Variants in CHRDL1 observed in about 807,000 individuals in gnomAD.
CHRDL1 encodes chordin-like protein 1.
In CHRDL1, 19 loss-of-function variants were observed where a neutral mutation model predicts 40.9. The ratio of observed to expected loss-of-function variants is 0.46; its 90% CI spans 0.32 to 0.68. CHRDL1 has a LOEUF of 0.68. Ranked by LOEUF, CHRDL1 falls within the 30% of genes least tolerant of loss-of-function variation. The pLI, the probability that CHRDL1 is intolerant of heterozygous loss-of-function variation, is 0.03. For missense variants in CHRDL1, 329 were observed against 352.1 expected (o/e 0.93, Z 0.53); for synonymous variants, 136 against 123.4 (o/e 1.10, Z -0.68).
chrX:110,684,981 G>A (rs1019589428), intron 9 of CHRDL1, among the ~76,000 whole-genome samples: 4 of 112,174 alleles, frequency 3.6e-5, no homozygotes, highest in African/African-American at 1.3e-4. Flanking sequence ...AGTGGGAAAA[G>A]CAGCTCTTCC....
intron 6 of CHRDL1, among the ~76,000 whole-genome samples, chrX:110,708,890 G>A (rs2070696400): frequency 9.0e-6 from 1 of 111,232 alleles, no homozygotes; most frequent in South Asian, 3.8e-4. Flanking sequence ...TACCATATCT[G>A]GCCCCTGGAA....
At chrX:110,690,523 G>A (rs1247026759) in intron 8 of CHRDL1, among the ~76,000 whole-genome samples, 1 of 110,642 alleles carries the variant, frequency 9.0e-6, no homozygotes, top group East Asian at 2.8e-4. Flanking sequence ...TTCCATGGAG[G>A]CTAGATGCAA....
chrX:110,775,490 G>T (rs1414999210), intron 2 of CHRDL1, among the ~76,000 whole-genome samples: 1 of 110,855 alleles, frequency 9.0e-6, no homozygotes, highest in East Asian at 2.8e-4. Flanking sequence ...CATGTAAGAT[G>T]AATAAATATA....
intron 7 of CHRDL1, among the ~76,000 whole-genome samples, chrX:110,696,599 T>C (rs1263338132): frequency 9.0e-6 from 1 of 111,438 alleles, no homozygotes; most frequent in East Asian, 2.8e-4. Flanking sequence ...ACCATTTGAC[T>C]AAAAGCTGGT....
intron 8 of CHRDL1, among the ~76,000 whole-genome samples, chrX:110,691,704 T>C (rs1398107096): frequency 8.9e-6 from 1 of 111,825 alleles, no homozygotes; most frequent in Non-Finnish European, 1.9e-5. Context: ...GAAATAAGAA[T>C]AATGTTAGCT....
chrX:110,678,197 T>C (rs1272625384), intron 11 of CHRDL1, among the ~76,000 whole-genome samples: 1 of 112,094 alleles, frequency 8.9e-6, no homozygotes, highest in African/African-American at 3.2e-5. Flanking sequence ...TGTCCTAGCA[T>C]GATAAATTGG....
chrX:110,679,410 A>G lies in CHRDL1; in HGVS notation c.1172T>C (p.Phe391Ser). 1.7e-6 allele frequency: 2 copies of G among 1,204,206 alleles called. No individual in the cohort carries two copies. Among genetic ancestry groups the G allele is most frequent in the Non-Finnish European group, 2.3e-6 (2 of 888,706 alleles). ...WTIRKGILQHFHIEKISKRMF... is the reference protein window; with the variant it reads ...WTIRKGILQHSHIEKISKRMF... ...CCTCTTGGAGATCTTCTCAATATGG[A>G]AGTGCTGGAGAATGCCTAGGGCCAA... is the stretch of plus-strand genomic sequence containing the variant. Residue 391 changes from phenylalanine (F) to serine (S), a missense_variant, in exon 11 of 12, where the codon TTC (phenylalanine) becomes TCC (serine). Physicochemically the swap from Phe to Ser is radical, Grantham distance 155. Transcript: ENST00000372042.
chrX:110,694,202 C>T lies in CHRDL1; in HGVS notation c.739G>A (p.Val247Met), dbSNP rs1452708880. Residue 247 changes from valine to methionine, a missense_variant, in exon 8 of 12, where the codon GTG (valine) becomes ATG (methionine). Coordinates refer to ENST00000372042, the MANE Select transcript of CHRDL1 (RefSeq NM_001143981.2). Reference sequence around the variant, plus strand: ...TGTTTGTTATTGATGACAATTTGCACAATGGTTCCTGATGCTTGCTGGGAA... The same window carrying T: ...TGTTTGTTATTGATGACAATTTGCATAATGGTTCCTGATGCTTGCTGGGAA... ...MDSQQASGTI[V>M]QIVINNKHKH... The T allele has an allele frequency of 3.3e-6, 4 of 1,210,604 alleles. No individual in the cohort carries two copies. The highest frequency in any genetic ancestry group is 2.2e-5 in the Admixed American group (1 of 46,025).
intron 2 of CHRDL1, among the ~76,000 whole-genome samples, chrX:110,786,901 T>C (rs1368422655): frequency 1.8e-5 from 2 of 111,905 alleles, no homozygotes. Flanking sequence ...ATGTGTTAAG[T>C]GGCTGCCATG....
intron 6 of CHRDL1, among the ~76,000 whole-genome samples, chrX:110,719,026 T>C (rs1450273488): frequency 8.9e-6 from 1 of 111,857 alleles, no homozygotes; most frequent in African/African-American, 3.3e-5. Flanking sequence ...CCACCCTATA[T>C]ATCTACTGTA....
chrX:110,724,548 G>C (rs1387506821), intron 4 of CHRDL1, among the ~76,000 whole-genome samples: 1 of 109,104 alleles, frequency 9.2e-6, no homozygotes. Context: ...GTATCTCGGG[G>C]GTGGGGGGCG....
chrX:110,732,143 A>G (rs901921040), intron 4 of CHRDL1, among the ~76,000 whole-genome samples: 3 of 111,381 alleles, frequency 2.7e-5, no homozygotes, highest in Admixed American at 9.5e-5. Flanking sequence ...AAAGAAAGGG[A>G]GAATCACAAA....
chrX:110,695,040 A>T (rs1262510116), intron 7 of CHRDL1, among the ~76,000 whole-genome samples: 2 of 110,253 alleles, frequency 1.8e-5, no homozygotes, highest in East Asian at 2.8e-4. Context: ...TTTTTTTTTT[A>T]AAGTTAGAGA....
chrX:110,721,623 AG>A, intron 4 of CHRDL1, 93 bp from the exon 5 acceptor site: 2 of 753,270 alleles, frequency 2.7e-6, no homozygotes, highest in Non-Finnish European at 4.1e-6. Flanking sequence ...TACTACATAG[AG>A]GGAGTTTTAA....
At chrX:110,746,227 C>T (rs1257236049) in intron 4 of CHRDL1, among the ~76,000 whole-genome samples, 1 of 111,103 alleles carries the variant, frequency 9.0e-6, no homozygotes, top group Non-Finnish European at 1.9e-5. Flanking sequence ...ACACACTGTG[C>T]TCCTGCAAGA....
At chrX:110,789,411 T>C (rs923593158) in intron 2 of CHRDL1, among the ~76,000 whole-genome samples, 1 of 112,151 alleles carries the variant, frequency 8.9e-6, no homozygotes, top group Non-Finnish European at 1.9e-5. Flanking sequence ...GAACATGCAC[T>C]TCGACTATTT....
At chrX:110,716,512 A>C (rs2070844896) in intron 6 of CHRDL1, among the ~76,000 whole-genome samples, 1 of 111,502 alleles carries the variant, frequency 9.0e-6, no homozygotes, top group Admixed American at 9.6e-5. Context: ...GCTCCAGAAG[A>C]AGCACAGGTT....
At position 110,790,989 on chromosome X, in the gene CHRDL1, T is replaced by C. The variant is rs747637472; in HGVS notation, c.94+1099A>G. Reference sequence around the variant, plus strand: ...ACACTGTTTCTCCCAGGAAGAAGACTACACTTACTATGAAAATTGTAGTGG... The same window carrying C: ...ACACTGTTTCTCCCAGGAAGAAGACCACACTTACTATGAAAATTGTAGTGG... On this transcript the variant is annotated intron_variant, in intron 2 of 11. Coordinates refer to ENST00000372042, the MANE Select transcript of CHRDL1 (RefSeq NM_001143981.2). 7.3e-4 allele frequency among the ~76,000 whole-genome samples: 79 copies of C among 108,563 alleles called. 1 individual carries two copies. The highest frequency in any genetic ancestry group is 2.3e-4 in the Non-Finnish European group (12 of 52,462). The allele number at this position is 108,563 out of a possible 115,157, so 94.3% of individuals were successfully genotyped here.
At chrX:110,773,014 T>C (rs985160789) in intron 2 of CHRDL1, among the ~76,000 whole-genome samples, 2 of 112,608 alleles carry the variant, frequency 1.8e-5, no homozygotes, top group African/African-American at 3.2e-5. Flanking sequence ...AAATGACCAA[T>C]GTCACAATCC....
Sources: gnomAD v4.1 joint callset for allele counts (sites outside exome capture counted in the v4.1 genomes callset) on GRCh38, gnomAD v4.1.1 for gene constraint, MANE v1.5 for transcripts, NCBI Gene and HGNC (gene_info 2026-07-23, HGNC 2026-07-21) for gene names.